Variants in PLCG2 observed in about 807,000 individuals in gnomAD.
PLCG2 encodes the protein phospholipase C gamma 2, also known as 1-phosphatidylinositol 4,5-bisphosphate phosphodiesterase gamma-2.
In PLCG2, 69 loss-of-function variants were observed where a neutral mutation model predicts 175.6. The ratio of observed to expected loss-of-function variants is 0.39; its 90% CI spans 0.32 to 0.48. PLCG2 has a LOEUF of 0.48. PLCG2 is among the 20% of genes least tolerant of loss of function. The probability of loss-of-function intolerance (pLI) is 0.91; values close to 1 mark genes in which losing one functional copy is unlikely to be tolerated. For synonymous variants in PLCG2, 827 were observed against 624.0 expected, an observed-to-expected ratio of 1.33 and a Z score of -4.85; for missense variants, 1,798 against 1,650.9, an observed-to-expected ratio of 1.09 and a Z score of -1.54.
intron 1 of PLCG2, among the ~76,000 whole-genome samples, chr16:81,753,648 A>G (rs1015177978): frequency 2.0e-5 from 3 of 152,062 alleles, no homozygotes; most frequent in African/African-American, 7.2e-5. Flanking sequence ...GCCTCAAGTG[A>G]TCTCCCTGCC....
At chr16:81,922,623 A>C (rs1910104770) in intron 21 of PLCG2, among the ~76,000 whole-genome samples, 1 of 152,204 alleles carries the variant, frequency 6.6e-6, no homozygotes, top group African/African-American at 2.4e-5. Context: ...AGGGCAGAGC[A>C]ATGATTTGAA....
At chr16:81,768,265 T>C (rs1910196354) in intron 2 of PLCG2, among the ~76,000 whole-genome samples, 1 of 152,198 alleles carries the variant, frequency 6.6e-6, no homozygotes, top group Non-Finnish European at 1.5e-5. Flanking sequence ...TATAGCCGAG[T>C]GCTACTTCAC....
intron 2 of PLCG2, among the ~76,000 whole-genome samples, chr16:81,800,956 G>C (rs1260721727): frequency 6.6e-6 from 1 of 152,108 alleles, no homozygotes; most frequent in Non-Finnish European, 1.5e-5. Flanking sequence ...GATGGAGGAA[G>C]GGGCCATGAA....
At chr16:81,842,032 T>C (rs1326648600) in intron 2 of PLCG2, among the ~76,000 whole-genome samples, 1 of 152,256 alleles carries the variant, frequency 6.6e-6, no homozygotes, top group Non-Finnish European at 1.5e-5. Flanking sequence ...TTTCATGTTA[T>C]TTCATTTGGT....
chr16:81,876,256 C>G (rs1389733796), intron 7 of PLCG2, among the ~76,000 whole-genome samples: 1 of 152,118 alleles, frequency 6.6e-6, no homozygotes, highest in Non-Finnish European at 1.5e-5. Context: ...CTCCTGGGCT[C>G]AAGTGATCCA....
chr16:81,793,466 G>T (rs1911329231), intron 2 of PLCG2, among the ~76,000 whole-genome samples: 2 of 152,152 alleles, frequency 1.3e-5, no homozygotes. Flanking sequence ...GGAATTTTAG[G>T]GTCGGCTGTG....
intron 2 of PLCG2, among the ~76,000 whole-genome samples, chr16:81,816,847 A>G (rs1904575106): frequency 6.6e-6 from 1 of 151,762 alleles, no homozygotes; most frequent in South Asian, 2.1e-4. Flanking sequence ...AGAAGCAAGA[A>G]CTGAAAGTGC....
intron 9 of PLCG2, among the ~76,000 whole-genome samples, chr16:81,888,935 C>T (rs1908501508): frequency 6.6e-6 from 1 of 152,138 alleles, no homozygotes; most frequent in African/African-American, 2.4e-5. Context: ...TTGCGACAGA[C>T]ACCGTATGGC....
intron 26 of PLCG2, chr16:81,935,967 C>G (rs1372317648): frequency 6.1e-6 from 6 of 984,556 alleles, no homozygotes; most frequent in Non-Finnish European, 6.0e-6. Flanking sequence ...AAAACTAGGC[C>G]CCTTTTTAAT....
chr16:81,824,409 C>G (rs887091699), intron 2 of PLCG2, among the ~76,000 whole-genome samples: 6 of 152,190 alleles, frequency 3.9e-5, no homozygotes, highest in African/African-American at 1.4e-4. Flanking sequence ...GCTGGGATTA[C>G]AAGCGTGAGC....
chr16:81,850,360 C>G (rs1287660205), intron 2 of PLCG2, among the ~76,000 whole-genome samples: 1 of 152,032 alleles, frequency 6.6e-6, no homozygotes, highest in African/African-American at 2.4e-5. Flanking sequence ...ATGAAACAAA[C>G]AAACAAAAAA....
At chr16:81,827,431 C>G (rs989211274) in intron 2 of PLCG2, among the ~76,000 whole-genome samples, 1 of 151,990 alleles carries the variant, frequency 6.6e-6, no homozygotes, top group African/African-American at 2.4e-5. Flanking sequence ...TCAAGGAGTT[C>G]ACCTGTCTTG....
intron 2 of PLCG2, among the ~76,000 whole-genome samples, chr16:81,768,538 C>T (rs1017366850): frequency 2.1e-4 from 29 of 140,496 alleles, no homozygotes; most frequent in Non-Finnish European, 3.8e-4. Context: ...CACCAGCACT[C>T]GGTGTTATCC....
At chr16:81,874,852 G>A (rs895561351) in intron 7 of PLCG2, among the ~76,000 whole-genome samples, 1 of 151,560 alleles carries the variant, frequency 6.6e-6, no homozygotes, top group African/African-American at 2.4e-5. Context: ...CTGGTGAGGG[G>A]ATATACCTCT....
intron 12 of PLCG2, among the ~76,000 whole-genome samples, chr16:81,895,080 C>T (rs958185271): frequency 1.3e-5 from 2 of 152,154 alleles, no homozygotes; most frequent in African/African-American, 2.4e-5. Context: ...CTCCTGTGCC[C>T]TCCAGGGGTC....
intron 31 of PLCG2, among the ~76,000 whole-genome samples, chr16:81,950,753 C>G (rs887111700): frequency 3.3e-5 from 5 of 152,084 alleles, no homozygotes; most frequent in African/African-American, 9.7e-5. Flanking sequence ...TATACTAAAA[C>G]AAGTAAATTA....
At chr16:81,814,384 G>A (rs1441212647) in intron 2 of PLCG2, among the ~76,000 whole-genome samples, 6 of 152,170 alleles carry the variant, frequency 3.9e-5, no homozygotes, top group African/African-American at 1.2e-4. Context: ...GGGTGTAGCC[G>A]GGATTGGATT....
At chr16:81,743,279 A>G (rs1018211511) in intron 1 of PLCG2, among the ~76,000 whole-genome samples, 1 of 152,220 alleles carries the variant, frequency 6.6e-6, no homozygotes, top group African/African-American at 2.4e-5. Flanking sequence ...CGAGCATGGG[A>G]GGTTGAGGCT....
chr16:81,799,652 G>A (rs1390341241), intron 2 of PLCG2, among the ~76,000 whole-genome samples: 1 of 148,602 alleles, frequency 6.7e-6, no homozygotes, highest in Non-Finnish European at 1.5e-5. Flanking sequence ...AGGTGCAATG[G>A]CACCATCTTG....
Sources: gnomAD v4.1 joint callset for allele counts (sites outside exome capture counted in the v4.1 genomes callset) on GRCh38, gnomAD v4.1.1 for gene constraint, MANE v1.5 for transcripts, NCBI Gene and HGNC (gene_info 2026-07-23, HGNC 2026-07-21) for gene names.